The following CFAP299 variants were observed in gnomAD, a reference collection of about 807,000 sequenced individuals.
The protein encoded by CFAP299 is cilia and flagella associated protein 299.
In CFAP299, 21 loss-of-function variants were observed where a neutral mutation model predicts 27.0. The observed-to-expected ratio is 0.78, with a 90% CI of 0.55 to 1.12. The LOEUF (loss-of-function observed/expected upper bound fraction) is 1.12, where lower values mean the gene tolerates loss of function less well. Ranked by LOEUF, CFAP299 falls within the 50% of genes most tolerant of loss-of-function variation. CFAP299 has a pLI of 0.00. For synonymous variants in CFAP299, 104 were observed against 98.1 expected, an observed-to-expected ratio of 1.06 and a Z score of -0.36; for missense variants, 310 against 276.6, an observed-to-expected ratio of 1.12 and a Z score of -0.86.
intron 3 of CFAP299, among the ~76,000 whole-genome samples, chr4:80,821,716 G>A (rs1009617271): frequency 6.6e-6 from 1 of 152,144 alleles, no homozygotes; most frequent in Non-Finnish European, 1.5e-5. Flanking sequence ...CCCATTTGCA[G>A]AGACTTGTTA....
At chr4:80,588,049 G>T (rs995563824) in intron 3 of CFAP299, among the ~76,000 whole-genome samples, 3 of 151,286 alleles carry the variant, frequency 2.0e-5, no homozygotes, top group Non-Finnish European at 2.9e-5. Context: ...CAGAGATGTG[G>T]TTTCAGTTGA....
At chr4:80,404,644 G>T (rs557243614) in intron 2 of CFAP299, among the ~76,000 whole-genome samples, 1 of 152,100 alleles carries the variant, frequency 6.6e-6, no homozygotes, top group Non-Finnish European at 1.5e-5. Context: ...ATAATATTCC[G>T]TTCTTTGTAT....
chr4:80,474,203 C>T (rs989195912), intron 2 of CFAP299, among the ~76,000 whole-genome samples: 1 of 151,928 alleles, frequency 6.6e-6, no homozygotes, highest in Non-Finnish European at 1.5e-5. Flanking sequence ...TACTTTTAAC[C>T]TATTTAATTA....
Position 80,717,589 on chromosome 4 carries a change from G to T in CFAP299, c.333+134406G>T, listed in dbSNP as rs898937183. Among the ~76,000 whole-genome samples, 10 of 151,966 alleles carry T rather than the reference G, an allele frequency of 6.6e-5. 1 individual carries two copies. Among genetic ancestry groups the T allele is most frequent in the South Asian group, 4.1e-4 (2 of 4,822 alleles). ...GGCCTTTAAGTTATTTATGTCTCAG[G>T]ATCATTGTTTCAAAAAATTACAAAT... is the stretch of plus-strand genomic sequence containing the variant. On this transcript the variant is annotated intron_variant, in intron 3 of 5. Coordinates refer to ENST00000358105, the MANE Select transcript of CFAP299 (RefSeq NM_152770.3).
intron 3 of CFAP299, among the ~76,000 whole-genome samples, chr4:80,785,705 G>T (rs1727210446): frequency 6.6e-6 from 1 of 152,096 alleles, no homozygotes; most frequent in Non-Finnish European, 1.5e-5. Flanking sequence ...AGAGCAAGAG[G>T]TTAGTATAGA....
intron 4 of CFAP299, among the ~76,000 whole-genome samples, chr4:80,914,316 C>G (rs1280106801): frequency 1.3e-5 from 2 of 152,004 alleles, no homozygotes; most frequent in African/African-American, 4.8e-5. Context: ...CCTTTTATTC[C>G]ACATCCTAGT....
At position 80,606,828 on chromosome 4, in the gene CFAP299, T is replaced by TTAA. The variant is rs1553939225; in HGVS notation, c.333+23645_333+23646insTAA. Reference sequence around the variant, plus strand: ...TCTACACTCTAAATTATATGCTTTTTAAAAAAAAATTTCACGGATAAAAAA... The same window carrying TTAA: ...TCTACACTCTAAATTATATGCTTTTTTAAAAAAAAAAATTTCACGGATAAAAAA... On this transcript the variant is annotated intron_variant, in intron 3 of 5. Transcript: ENST00000358105. Among the ~76,000 whole-genome samples the TTAA allele has an allele frequency of 5.1e-3, 769 of 151,846 alleles. 6 individuals carry two copies. Among genetic ancestry groups the TTAA allele is most frequent in the Middle Eastern group, 0.02 (6 of 294 alleles).
At chr4:80,381,922 A>G (rs527514614) in intron 2 of CFAP299, among the ~76,000 whole-genome samples, 2 of 152,266 alleles carry the variant, frequency 1.3e-5, no homozygotes, top group Admixed American at 6.5e-5. Context: ...TCTATCAGCT[A>G]TCTATAGTCT....
chr4:80,583,021 G>C lies in CFAP299; in HGVS notation c.243-72G>C, dbSNP rs1736247065. The C allele has an allele frequency of 4.5e-6, 4 of 888,208 alleles. No homozygotes were observed. In the East Asian group the frequency reaches 1.1e-4, roughly 24 times the overall value. 55.0% of individuals were successfully genotyped at this position (888,208 alleles called of 1,614,324 possible). ...GGAAATTGTCACTTAAAGAAGCATTGTTGTTGGCTCCAGAGTGTTGGAAAC... is the reference window on the plus strand; with the variant it reads ...GGAAATTGTCACTTAAAGAAGCATTCTTGTTGGCTCCAGAGTGTTGGAAAC... On this transcript the variant is annotated intron_variant, in intron 2 of 5. Coordinates refer to ENST00000358105, the MANE Select transcript of CFAP299 (RefSeq NM_152770.3).
rs145031074 is a variant in CFAP299 at position 80,582,117 on chromosome 4, A to T, written c.243-976A>T. On this transcript the variant is annotated intron_variant, in intron 2 of 5. Coordinates refer to ENST00000358105, the MANE Select transcript of CFAP299 (RefSeq NM_152770.3). ...TTTCTTTATTCCTTTGTATTTACTGATAACTCTCTCCTTCCACCCCACAAA... is the reference window on the plus strand; with the variant it reads ...TTTCTTTATTCCTTTGTATTTACTGTTAACTCTCTCCTTCCACCCCACAAA... Among the ~76,000 whole-genome samples the T allele has an allele frequency of 6.2e-3, 942 of 151,950 alleles. 7 individuals are homozygous for T. Among genetic ancestry groups the T allele is most frequent in the Non-Finnish European group, 6.2e-3 (418 of 67,838 alleles).
chr4:80,467,454 T>C (rs1729762178), intron 2 of CFAP299, among the ~76,000 whole-genome samples: 1 of 152,212 alleles, frequency 6.6e-6, no homozygotes, highest in Non-Finnish European at 1.5e-5. Flanking sequence ...TCCCTTCCTC[T>C]TTCCAACATT....
At chr4:80,945,901 C>T (rs900416770) in intron 5 of CFAP299, among the ~76,000 whole-genome samples, 4 of 152,030 alleles carry the variant, frequency 2.6e-5, no homozygotes, top group Admixed American at 2.6e-4. Context: ...CACCTGTAAT[C>T]CCAGCACTTT....
Position 80,789,741 on chromosome 4 carries a change from A to T in CFAP299, c.334-80252A>T, listed in dbSNP as rs534655938. On this transcript the variant is annotated intron_variant, in intron 3 of 5. Coordinates refer to ENST00000358105, the MANE Select transcript of CFAP299 (RefSeq NM_152770.3). ...TAAGTCTTAGGAAGCTGTTTTGAGG[A>T]CCTACCCTTGACCGCAATTCCAGTA... Among the ~76,000 whole-genome samples the T allele has an allele frequency of 7.2e-5, 11 of 152,116 alleles. No homozygotes were observed. In the South Asian group the frequency reaches 2.1e-3, roughly 29 times the overall value.
At chr4:80,452,507 G>A (rs963794044) in intron 2 of CFAP299, among the ~76,000 whole-genome samples, 2 of 152,084 alleles carry the variant, frequency 1.3e-5, no homozygotes, top group Non-Finnish European at 2.9e-5. Context: ...GCTAAGTTAG[G>A]TTAACATACT....
intron 2 of CFAP299, among the ~76,000 whole-genome samples, chr4:80,383,848 T>A (rs936439769): frequency 9.3e-6 from 1 of 107,032 alleles, no homozygotes; most frequent in African/African-American, 3.0e-5. Context: ...TATCTATCTG[T>A]TTTTTTTTGT....
intron 3 of CFAP299, among the ~76,000 whole-genome samples, chr4:80,784,940 G>A (rs1034664673): frequency 1.3e-5 from 2 of 152,116 alleles, no homozygotes; most frequent in Admixed American, 1.3e-4. Flanking sequence ...ACAAATTTTG[G>A]ATATTAATCC....
rs1202578428 is a variant in CFAP299 at position 80,857,734 on chromosome 4, C to T, written c.334-12259C>T. Among the ~76,000 whole-genome samples, 7 of 152,288 alleles carry T rather than the reference C, an allele frequency of 4.6e-5. No individual in the cohort carries two copies. The South Asian group carries it at 1.5e-3, about 32-fold the overall frequency. On this transcript the variant is annotated intron_variant, in intron 3 of 5. Coordinates refer to ENST00000358105, the MANE Select transcript of CFAP299 (RefSeq NM_152770.3). ...TATTGATTTGCGTATATTGAACCAG[C>T]CTTGCACCCCAGGGATGAAGCCCAC...
At chr4:80,897,704 T>G (rs1350544756) in intron 4 of CFAP299, among the ~76,000 whole-genome samples, 3 of 152,166 alleles carry the variant, frequency 2.0e-5, no homozygotes, top group African/African-American at 7.2e-5. Flanking sequence ...ATCAAGAATC[T>G]TCTGCCACAC....
the CFAP299 span, among the ~76,000 whole-genome samples, chr4:80,328,698 G>T: frequency 6.6e-6 from 1 of 152,120 alleles, no homozygotes; most frequent in Admixed American, 6.5e-5. Context: ...CCTGTGCTTT[G>T]TTCCAGAAAA....
Sources: gnomAD v4.1 joint callset for allele counts (sites outside exome capture counted in the v4.1 genomes callset) on GRCh38, gnomAD v4.1.1 for gene constraint, MANE v1.5 for transcripts, NCBI Gene and HGNC (gene_info 2026-07-23, HGNC 2026-07-21) for gene names.